Variants in PHLDB2 observed in about 807,000 individuals in gnomAD.
PHLDB2 encodes pleckstrin homology like domain family B member 2, also known as pleckstrin homology-like domain family B member 2.
Under a neutral mutation model 123.6 loss-of-function variants are expected in PHLDB2, and 71 were observed. The observed-to-expected ratio is 0.57, with a 90% CI of 0.47 to 0.70. PHLDB2 has a LOEUF of 0.70. Among genes scored for constraint, PHLDB2 ranks in the 30% least tolerant of loss-of-function variants. The pLI, the probability that PHLDB2 is intolerant of heterozygous loss-of-function variation, is 0.00. For synonymous variants in PHLDB2, 547 were observed against 541.6 expected, an observed-to-expected ratio of 1.01 and a Z score of -0.14; for missense variants, 1,446 against 1,519.5, an observed-to-expected ratio of 0.95 and a Z score of 0.80.
chr3:111,940,007 G>C (rs1454885197), intron 7 of PHLDB2, among the ~76,000 whole-genome samples: 2 of 152,106 alleles, frequency 1.3e-5, no homozygotes, highest in Admixed American at 1.3e-4. Flanking sequence ...CTGGCTGATA[G>C]CTTATTACCA....
intron 1 of PHLDB2, among the ~76,000 whole-genome samples, chr3:111,838,264 C>G (rs75368592): frequency 0.041 from 6,208 of 152,240 alleles, 353 homozygotes; most frequent in East Asian, 0.23. Context: ...ATCTCCTGAT[C>G]GGCTGGGACT....
intron 16 of PHLDB2, among the ~76,000 whole-genome samples, chr3:111,970,660 C>T (rs936968996): frequency 6.6e-6 from 1 of 152,048 alleles, no homozygotes; most frequent in Non-Finnish European, 1.5e-5. Context: ...TTATTAAGAA[C>T]CTCTTATTTC....
intron 1 of PHLDB2, among the ~76,000 whole-genome samples, chr3:111,773,722 C>T (rs564944729): frequency 1.3e-5 from 2 of 152,268 alleles, no homozygotes; most frequent in East Asian, 3.9e-4. Flanking sequence ...AGCTGCTTTA[C>T]TCATCAGGAA....
At chr3:111,885,669 C>A (rs2066125968) in intron 2 of PHLDB2, 1 of 654,100 alleles carries the variant, frequency 1.5e-6, no homozygotes, top group Non-Finnish European at 2.7e-6. Flanking sequence ...AGTATAAATT[C>A]TTTAAAAACA....
chr3:111,830,808 CAAAAA>C (rs11475835), intron 1 of PHLDB2, among the ~76,000 whole-genome samples: 2 of 53,334 alleles, frequency 3.7e-5, no homozygotes, highest in Non-Finnish European at 6.4e-5. Context: ...GACTCCGTCT[CAAAAA>C]AAAAAAAAAA....
intron 12 of PHLDB2, chr3:111,958,175 C>A: frequency 1.3e-6 from 1 of 750,060 alleles, no homozygotes; most frequent in Non-Finnish European, 1.6e-6. Flanking sequence ...CCCTTGTCAT[C>A]CTTTTTGATC....
intron 3 of PHLDB2, 28 bp from the exon 4 acceptor site, chr3:111,919,043 TA>T: frequency 6.2e-7 from 1 of 1,610,168 alleles, no homozygotes; most frequent in Non-Finnish European, 8.5e-7. Context: ...GAGGTGTGAA[TA>T]ATCCATTTCT....
chr3:111,884,739 C>G lies in PHLDB2; in HGVS notation c.662C>G (p.Pro221Arg), dbSNP rs1268348019. ...MSIQDSLALQ[P>R]KLTRHKELAS... Reference sequence around the variant, plus strand: ...ATTCAGGACAGCCTGGCGCTTCAACCCAAGTTAACTAGACACAAGGAGCTT... The same window carrying G: ...ATTCAGGACAGCCTGGCGCTTCAACGCAAGTTAACTAGACACAAGGAGCTT... The change falls in exon 2 of 18, where the codon CCC becomes CGC. Residue 221 changes from proline to arginine, a missense_variant. Physicochemically the swap from Pro to Arg is moderately radical, Grantham distance 103 (BLOSUM62 -2). Around this residue, in one of 3 missense-constraint regions of PHLDB2, gnomAD observed 832 missense variants for 831.9 expected, o/e 1.00. Coordinates refer to ENST00000431670, the MANE Select transcript of PHLDB2 (RefSeq NM_001134438.2). 1 of 1,613,936 alleles carries G rather than the reference C, an allele frequency of 6.2e-7. No individual in the cohort carries two copies. The highest frequency in any genetic ancestry group is 8.5e-7 in the Non-Finnish European group (1 of 1,180,030).
intron 1 of PHLDB2, among the ~76,000 whole-genome samples, chr3:111,819,151 A>T (rs1227146339): frequency 6.6e-6 from 1 of 150,564 alleles, no homozygotes; most frequent in East Asian, 2.0e-4. Flanking sequence ...TTATGAGGGC[A>T]CTCTTTTCAT....
intron 2 of PHLDB2, among the ~76,000 whole-genome samples, chr3:111,847,613 C>A (rs1559865770): frequency 6.6e-6 from 1 of 152,176 alleles, no homozygotes; most frequent in Non-Finnish European, 1.5e-5. Context: ...TACTTCCAGA[C>A]CCTCTTTCCA....
intron 1 of PHLDB2, among the ~76,000 whole-genome samples, chr3:111,881,893 T>C (rs181720707): frequency 0.01 from 1,561 of 152,188 alleles, 21 homozygotes; most frequent in Middle Eastern, 0.041. Context: ...AGGGTACCCA[T>C]GTAGTTCAAT....
At chr3:111,922,565 C>T (rs2068583181) in intron 5 of PHLDB2, among the ~76,000 whole-genome samples, 1 of 152,148 alleles carries the variant, frequency 6.6e-6, no homozygotes. Context: ...TCTGTCATTA[C>T]ATCATGTGAA....
chr3:111,825,373 T>C lies in PHLDB2; in HGVS notation c.-48-20448T>C, dbSNP rs541721200. On this transcript the variant is annotated intron_variant, in intron 1 of 17. Coordinates refer to the PHLDB2 transcript ENST00000393923. ...AGATTCTCATCTTCTTGAAGACAGA[T>C]GTAGGAAAATCATATTGACCATGCT... is the stretch of plus-strand genomic sequence containing the variant. Among the ~76,000 whole-genome samples, 11 of 152,346 alleles carry C rather than the reference T, an allele frequency of 7.2e-5. No homozygotes were observed. In the South Asian group the frequency reaches 2.3e-3, roughly 32 times the overall value.
At chr3:111,926,423 C>G (rs2068814566) in intron 5 of PHLDB2, among the ~76,000 whole-genome samples, 2 of 152,100 alleles carry the variant, frequency 1.3e-5, no homozygotes, top group South Asian at 4.2e-4. Context: ...CAGCAGGGAC[C>G]CAGCCCTTCC....
In PHLDB2 at chr3:111,832,682, CATATA is replaced by C. The variant is rs1257295718; in HGVS notation, c.-48-13133_-48-13129del. ...ATATAATATATATAATAGAATTATA[CATATA>C]ATATATATAATAGAATTATACATAT... is the stretch of plus-strand genomic sequence containing the variant. On this transcript the variant is annotated intron_variant, in intron 1 of 17. Coordinates refer to the PHLDB2 transcript ENST00000393923. Among the ~76,000 whole-genome samples, 24 of 91,632 alleles carry C rather than the reference CATATA, an allele frequency of 2.6e-4. 1 individual carries two copies. Among genetic ancestry groups the C allele is most frequent in the South Asian group, 3.7e-4 (1 of 2,730 alleles). The allele number at this position is 91,632 out of a possible 152,430, so 60.1% of individuals were successfully genotyped here.
At chr3:111,860,396 C>T (rs1044169149) in intron 1 of PHLDB2, among the ~76,000 whole-genome samples, 3 of 152,216 alleles carry the variant, frequency 2.0e-5, no homozygotes, top group African/African-American at 4.8e-5. Context: ...CTCGGCACCC[C>T]TAGAGATAGC....
intron 1 of PHLDB2, among the ~76,000 whole-genome samples, chr3:111,874,525 A>G (rs553501439): frequency 6.6e-6 from 1 of 152,298 alleles, no homozygotes; most frequent in East Asian, 1.9e-4. Flanking sequence ...CCATGTCCTC[A>G]TTCAGGAGTG....
At chr3:111,871,661 CA>C (rs879382585) in intron 1 of PHLDB2, among the ~76,000 whole-genome samples, 1 of 92,636 alleles carries the variant, frequency 1.1e-5, no homozygotes. Flanking sequence ...AACAAACAAA[CA>C]AAAAAAACTC....
At chr3:111,736,963 C>A (rs561013613) in intron 1 of PHLDB2, among the ~76,000 whole-genome samples, 4 of 152,080 alleles carry the variant, frequency 2.6e-5, no homozygotes, top group African/African-American at 9.7e-5. Context: ...GACTAGAGAC[C>A]CCACAGTGTC....
Sources: allele counts gnomAD v4.1 joint callset (sites outside exome capture counted in the v4.1 genomes callset), GRCh38; gene constraint gnomAD v4.1.1; regional missense constraint gnomAD v4.1.1; transcripts MANE v1.5; gene names NCBI Gene and HGNC (gene_info 2026-07-23, HGNC 2026-07-21).